The following SHANK2 variants were observed in gnomAD, a reference collection of about 807,000 sequenced individuals.
SHANK2 encodes the protein SH3 and multiple ankyrin repeat domains protein 2.
Under a neutral mutation model 133.7 loss-of-function variants are expected in SHANK2, and 43 were observed. That is an observed-to-expected ratio of 0.32 (90% CI 0.25 to 0.41). SHANK2 has a LOEUF of 0.41. Ranked by LOEUF, SHANK2 falls within the 10% of genes least tolerant of loss-of-function variation. The pLI is 1.00. For missense variants in SHANK2, 1,994 were observed against 2,235.8 expected (o/e 0.89, Z 2.18); for synonymous variants, 1,017 against 952.8 (o/e 1.07, Z -1.24).
At chr11:70,742,848 G>A (rs1231406719) in intron 14 of SHANK2, among the ~76,000 whole-genome samples, 1 of 151,934 alleles carries the variant, frequency 6.6e-6, no homozygotes, top group Non-Finnish European at 1.5e-5. Context: ...GGTGTGACCA[G>A]CACTGATAAA....
intron 17 of SHANK2, among the ~76,000 whole-genome samples, chr11:70,639,598 C>T (rs141950832): frequency 2.0e-5 from 3 of 152,282 alleles, no homozygotes; most frequent in African/African-American, 7.2e-5. Flanking sequence ...CAAAGAGGGC[C>T]TGGTTTTTCT....
chr11:70,501,130 C>A (rs755618), intron 20 of SHANK2, among the ~76,000 whole-genome samples: 2 of 152,104 alleles, frequency 1.3e-5, no homozygotes, highest in Non-Finnish European at 2.9e-5. Context: ...CTGGGGCACG[C>A]GGGGCACTAC....
intron 17 of SHANK2, among the ~76,000 whole-genome samples, chr11:70,537,371 T>C (rs987724097): frequency 3.9e-4 from 59 of 152,250 alleles, no homozygotes; most frequent in African/African-American, 1.4e-3. Flanking sequence ...CAACAGAATA[T>C]GACCCGGGAT....
chr11:71,198,663 A>G (rs1953959718), intron 2 of SHANK2, among the ~76,000 whole-genome samples: 1 of 152,144 alleles, frequency 6.6e-6, no homozygotes, highest in Admixed American at 6.5e-5. Context: ...ATGGGCCAAG[A>G]CCAGACTCCC....
chr11:70,710,562 T>C (rs2134579747), intron 14 of SHANK2, among the ~76,000 whole-genome samples: 1 of 152,324 alleles, frequency 6.6e-6, no homozygotes, highest in East Asian at 1.9e-4. Context: ...AGGGGGATTA[T>C]CAGGTGGGAC....
chr11:71,176,113 G>C (rs1337962844), intron 2 of SHANK2, among the ~76,000 whole-genome samples: 1 of 152,228 alleles, frequency 6.6e-6, no homozygotes, highest in Non-Finnish European at 1.5e-5. Context: ...ATGGGGCAGT[G>C]AACATACAGA....
At chr11:70,503,026 A>G in intron 17 of SHANK2, 95 bp from the exon 18 acceptor site, 3 of 1,411,484 alleles carry the variant, frequency 2.1e-6, no homozygotes, top group Non-Finnish European at 3.0e-6. Context: ...GCTCCTAAAA[A>G]GGGGGCAAAT....
intron 10 of SHANK2, among the ~76,000 whole-genome samples, chr11:70,911,725 T>G (rs1293525178): frequency 6.6e-6 from 1 of 152,104 alleles, no homozygotes; most frequent in Admixed American, 6.6e-5. Context: ...AACTCATGGC[T>G]ATTGTTGTTT....
At chr11:70,555,958 A>T (rs2059823100) in intron 17 of SHANK2, among the ~76,000 whole-genome samples, 2 of 152,218 alleles carry the variant, frequency 1.3e-5, no homozygotes, top group South Asian at 4.1e-4. Flanking sequence ...TGAAGCTAGC[A>T]AGGGTGATTC....
chr11:70,777,154 T>C (rs1182346039), intron 14 of SHANK2, among the ~76,000 whole-genome samples: 1 of 150,936 alleles, frequency 6.6e-6, no homozygotes, highest in African/African-American at 2.4e-5. Flanking sequence ...CATCCATTTA[T>C]CCATCCACTC....
At chr11:70,685,777 G>A (rs1455784182) in intron 15 of SHANK2, among the ~76,000 whole-genome samples, 1 of 152,144 alleles carries the variant, frequency 6.6e-6, no homozygotes, top group African/African-American at 2.4e-5. Flanking sequence ...GGGGACACAA[G>A]TCTCCTTCTC....
At chr11:71,203,912 G>A (rs78567887) in intron 2 of SHANK2, among the ~76,000 whole-genome samples, 2 of 152,214 alleles carry the variant, frequency 1.3e-5, no homozygotes, top group Admixed American at 1.3e-4. Flanking sequence ...CACATCTTTG[G>A]GGGGAACCAT....
rs782396100 is a variant in SHANK2 at position 70,487,387 on chromosome 11, C to T, written c.2906G>A (p.Arg969Gln). 15 of 1,613,994 alleles carry T rather than the reference C, an allele frequency of 9.3e-6. 1 individual carries two copies. Among genetic ancestry groups the T allele is most frequent in the South Asian group, 3.3e-5 (3 of 91,090 alleles). The change falls in exon 25 of 26, where the codon CGG (arginine) becomes CAG (glutamine). Residue 969 changes from arginine (R) to glutamine (Q), a missense_variant. Around this residue, in one of 5 missense-constraint regions of SHANK2, gnomAD observed 488 missense variants for 642.6 expected, o/e 0.76. Transcript: ENST00000601538. This position sits in a 1 kb window ranked among gnomAD's most constrained non-coding sequence, Gnocchi z 5.8. ...YSLDSEDLYS[R>Q]NAGPQANFRN... ...GAAGTTGGCTTGCGGGCCGGCATTC[C>T]GACTGTAGAGGTCTTCAGAGTCCAA...
intron 1 of SHANK2, among the ~76,000 whole-genome samples, chr11:71,241,141 C>G (rs1954884062): frequency 6.6e-6 from 1 of 152,190 alleles, no homozygotes; most frequent in South Asian, 2.1e-4. Flanking sequence ...GGCTAGGCAA[C>G]TTCTCCTCTA....
At chr11:70,474,318 C>G (rs143737902) in intron 25 of SHANK2, 1 of 152,404 alleles carries the variant, frequency 6.6e-6, no homozygotes, top group East Asian at 1.9e-4. Flanking sequence ...TGGCCATGGG[C>G]GTCCCCGAGG....
At chr11:70,607,076 G>A (rs1317140880) in intron 17 of SHANK2, among the ~76,000 whole-genome samples, 1 of 152,170 alleles carries the variant, frequency 6.6e-6, no homozygotes, top group Non-Finnish European at 1.5e-5. Context: ...TCCACACTCG[G>A]ATCTGAGGCC....
intron 1 of SHANK2, among the ~76,000 whole-genome samples, chr11:71,230,352 C>G (rs187370938): frequency 6.6e-6 from 1 of 151,454 alleles, no homozygotes; most frequent in Non-Finnish European, 1.5e-5. Context: ...AAGGCCAAGG[C>G]GGGTGGATCA....
chr11:70,657,087 G>A (rs1299620761), intron 17 of SHANK2, among the ~76,000 whole-genome samples: 2 of 152,160 alleles, frequency 1.3e-5, no homozygotes, highest in Non-Finnish European at 2.9e-5. Flanking sequence ...AGTTCAAACC[G>A]CAGCATGCAT....
intron 10 of SHANK2, among the ~76,000 whole-genome samples, chr11:70,929,938 A>T (rs1369821268): frequency 6.6e-6 from 1 of 152,190 alleles, no homozygotes; most frequent in African/African-American, 2.4e-5. Flanking sequence ...GAGGATACAC[A>T]TCTGGTGTGA....
Sources: gnomAD v4.1 joint callset for allele counts (sites outside exome capture counted in the v4.1 genomes callset) on GRCh38, gnomAD v4.1.1 for gene constraint, gnomAD v4.1.1 regional missense constraint, Gnocchi (gnomAD v3.1) non-coding constraint, MANE v1.5 for transcripts, NCBI Gene and HGNC (gene_info 2026-07-23, HGNC 2026-07-21) for gene names.